USP49: variants seen among roughly 807,000 people sequenced by gnomAD.
USP49 encodes the protein ubiquitin specific peptidase 49, also known as ubiquitin carboxyl-terminal hydrolase 49.
USP49 carries 24 observed loss-of-function variants against 58.6 expected under a neutral mutation model. The observed-to-expected ratio is 0.41, with a 90% CI of 0.30 to 0.58. The LOEUF (loss-of-function observed/expected upper bound fraction) is 0.58, where lower values mean the gene tolerates loss of function less well. Among genes scored for constraint, USP49 ranks in the 20% least tolerant of loss-of-function variants. The pLI, the probability that USP49 is intolerant of heterozygous loss-of-function variation, is 0.30. For missense variants in USP49, 703 were observed against 866.1 expected (o/e 0.81, Z 2.36); for synonymous variants, 408 against 365.1 (o/e 1.12, Z -1.34).
chr6:41,837,749 A>T (rs1261722914), intron 3 of USP49, among the ~76,000 whole-genome samples: 2 of 152,242 alleles, frequency 1.3e-5, no homozygotes, highest in African/African-American at 4.8e-5. Context: ...AAGGAACTTA[A>T]ATTAACAAGC....
At chr6:41,812,084 CT>C (rs112615079) in intron 3 of USP49, among the ~76,000 whole-genome samples, 121 of 145,032 alleles carry the variant, frequency 8.3e-4, no homozygotes, top group African/African-American at 1.3e-3. Flanking sequence ...CTCAATGATT[CT>C]TTTTTTTTTT....
chr6:41,799,780 C>T, intron 6 of USP49, 50 bp downstream of exon 6: 2 of 1,518,656 alleles, frequency 1.3e-6, no homozygotes, highest in Non-Finnish European at 1.8e-6. Flanking sequence ...GCCTTTGGAG[C>T]AGCTATTCCC....
intron 3 of USP49, among the ~76,000 whole-genome samples, chr6:41,816,243 C>A (rs538145998): frequency 5.1e-4 from 77 of 152,358 alleles, no homozygotes; most frequent in Non-Finnish European, 9.0e-4. Flanking sequence ...CTCCTTCTGG[C>A]AAGAGTAATG....
chr6:41,882,581 T>C (rs1203164237), intron 2 of USP49, among the ~76,000 whole-genome samples: 1 of 152,006 alleles, frequency 6.6e-6, no homozygotes, highest in Non-Finnish European at 1.5e-5. Context: ...GGCTAAAAAA[T>C]GATGGATGTG....
chr6:41,867,767 A>G (rs1232303902), intron 3 of USP49, among the ~76,000 whole-genome samples: 1 of 151,786 alleles, frequency 6.6e-6, no homozygotes, highest in East Asian at 1.9e-4. Flanking sequence ...ACAAACAAAC[A>G]AAAACCAAAC....
intron 2 of USP49, among the ~76,000 whole-genome samples, chr6:41,887,522 C>T (rs1393819050): frequency 2.0e-5 from 3 of 152,174 alleles, no homozygotes; most frequent in Non-Finnish European, 4.4e-5. Flanking sequence ...AACAGTAGCT[C>T]TAGGTTACGG....
chr6:41,848,430 T>C (rs1773961815), intron 3 of USP49, among the ~76,000 whole-genome samples: 1 of 152,082 alleles, frequency 6.6e-6, no homozygotes, highest in Non-Finnish European at 1.5e-5. Context: ...GCAGTGGCAC[T>C]ATCATGGTTC....
chr6:41,798,947 G>C lies in USP49; in HGVS notation c.1671-18C>G. On this transcript the variant is annotated intron_variant, in intron 6 of 7. Coordinates refer to ENST00000682992, the MANE Select transcript of USP49 (RefSeq NM_001286554.2). ...CAGACCACCTAGAACATGGATATAA[G>C]CTTGTTACTAGTAAAAACTGGCATA... The C allele has an allele frequency of 6.2e-7, 1 of 1,607,750 alleles. No individual in the cohort carries two copies. Among genetic ancestry groups the C allele is most frequent in the Non-Finnish European group, 8.5e-7 (1 of 1,177,008 alleles).
rs554378697 is a variant in USP49, at chr6:41,857,371, G to A, written c.-29+14193C>T. On this transcript the variant is annotated intron_variant, in intron 3 of 7. Coordinates refer to ENST00000682992, the MANE Select transcript of USP49 (RefSeq NM_001286554.2). ...TACTATAGAAAGATCTCATCTGGGCGCGGTGGCTCATGCCTATAATCCCAG... is the reference window on the plus strand; with the variant it reads ...TACTATAGAAAGATCTCATCTGGGCACGGTGGCTCATGCCTATAATCCCAG... Among the ~76,000 whole-genome samples the A allele has an allele frequency of 4.8e-4, 73 of 152,224 alleles. 1 individual carries two copies. The highest frequency in any genetic ancestry group is 1.6e-3 in the African/African-American group (66 of 41,536).
intron 4 of USP49, among the ~76,000 whole-genome samples, chr6:41,805,413 T>C (rs868476348): frequency 6.6e-6 from 1 of 152,128 alleles, no homozygotes; most frequent in Non-Finnish European, 1.5e-5. Context: ...TGTGGCAAGT[T>C]AAACTAAAAA....
chr6:41,874,982 G>A (rs1774478007), intron 2 of USP49, among the ~76,000 whole-genome samples: 1 of 151,748 alleles, frequency 6.6e-6, no homozygotes, highest in Admixed American at 6.6e-5. Context: ...GAGAGAGAGA[G>A]AGAAAGAAAG....
intron 3 of USP49, among the ~76,000 whole-genome samples, chr6:41,809,529 A>C (rs1773207380): frequency 6.6e-6 from 1 of 151,558 alleles, no homozygotes; most frequent in African/African-American, 2.4e-5. Flanking sequence ...CGTCTCAAAA[A>C]GAAAATAATA....
intron 2 of USP49, among the ~76,000 whole-genome samples, chr6:41,874,791 T>C (rs941404850): frequency 6.6e-6 from 1 of 152,110 alleles, no homozygotes; most frequent in Admixed American, 6.6e-5. Flanking sequence ...AGGGAGACCC[T>C]ACCTCTACAA....
chr6:41,803,417 C>T lies in USP49; in HGVS notation c.1561+389G>A, dbSNP rs1393956609. On this transcript the variant is annotated intron_variant, in intron 5 of 7. Transcript: ENST00000682992. This position sits in a 1 kb window ranked among gnomAD's most constrained non-coding sequence, Gnocchi z 4.1. The stretch of plus-strand genomic sequence containing the variant: ...TTCCTGGGTTCAACCGATTCTCCTG[C>T]CTCAGCCTCCCGAGTAGCTGGGATT... Among the ~76,000 whole-genome samples, 1 of 152,224 alleles carries T rather than the reference C, an allele frequency of 6.6e-6. No individual in the cohort carries two copies. Among genetic ancestry groups the T allele is most frequent in the Non-Finnish European group, 1.5e-5 (1 of 68,046 alleles).
Position 41,806,409 on chromosome 6 carries a change from A to C in USP49, c.575T>G (p.Val192Gly). 2 of 1,566,424 alleles carry C rather than the reference A, an allele frequency of 1.3e-6. No homozygotes were observed. Among genetic ancestry groups the C allele is most frequent in the Non-Finnish European group, 8.6e-7 (1 of 1,164,926 alleles). ...CAGCTCCTCCAGCAGCCGCCGTTTC[A>C]CCTCGCGCCGCCGCCTCCGCGCCTC... ...KEEARRRRRE[V>G]KRRLLEELAS... The change falls in exon 4 of 8, where the codon GTG (valine) becomes GGG (glycine). Residue 192 changes from valine (V) to glycine (G), a missense_variant. Val to Gly is a moderately radical substitution (Grantham distance 109). Around this residue, in one of 6 missense-constraint regions of USP49, gnomAD observed 376 missense variants for 373.5 expected, o/e 1.01. Coordinates refer to ENST00000682992, the MANE Select transcript of USP49 (RefSeq NM_001286554.2). This position sits in a 1 kb window ranked among gnomAD's most constrained non-coding sequence, Gnocchi z 5.9.
At chr6:41,811,795 C>G (rs1476380250) in intron 3 of USP49, among the ~76,000 whole-genome samples, 1 of 152,152 alleles carries the variant, frequency 6.6e-6, no homozygotes, top group East Asian at 1.9e-4. Flanking sequence ...TTTCTTCTTG[C>G]TACTTAGTAC....
rs530698513 is a variant in USP49, at chr6:41,845,896, C to T, written c.-29+25668G>A. 4.6e-5 allele frequency among the ~76,000 whole-genome samples: 7 copies of T among 152,254 alleles called. No individual in the cohort carries two copies. In the East Asian group the frequency reaches 1.2e-3, roughly 25 times the overall value. Reference sequence around the variant, plus strand: ...TGGGGATTATGGCATAAACCCCTCACTTATTATAGTCTACCAAATATTGAT... The same window carrying T: ...TGGGGATTATGGCATAAACCCCTCATTTATTATAGTCTACCAAATATTGAT... On this transcript the variant is annotated intron_variant, in intron 3 of 7. Transcript: ENST00000682992.
At chr6:41,835,305 C>T (rs73733040) in intron 3 of USP49, among the ~76,000 whole-genome samples, 2,009 of 152,272 alleles carry the variant, frequency 0.013, 41 homozygotes, top group African/African-American at 0.046. Flanking sequence ...ATTTCCATTA[C>T]AAGATTCTGA....
At chr6:41,824,979 AC>A (rs1370295815) in intron 3 of USP49, among the ~76,000 whole-genome samples, 1 of 152,204 alleles carries the variant, frequency 6.6e-6, no homozygotes, top group Non-Finnish European at 1.5e-5. Context: ...TGGGAACTCA[AC>A]TATAGTGAGC....
Sources: allele counts gnomAD v4.1 joint callset (sites outside exome capture counted in the v4.1 genomes callset), GRCh38; gene constraint gnomAD v4.1.1; regional missense constraint gnomAD v4.1.1; non-coding constraint Gnocchi (gnomAD v3.1); transcripts MANE v1.5; gene names NCBI Gene and HGNC (gene_info 2026-07-23, HGNC 2026-07-21).